KIRREL3: variants seen among roughly 807,000 people sequenced by gnomAD.
The protein encoded by KIRREL3 is kin of IRRE-like protein 3.
In KIRREL3, 36 loss-of-function variants were observed where a neutral mutation model predicts 89.7. The observed-to-expected ratio is 0.40, with a 90% CI of 0.31 to 0.53. The LOEUF (loss-of-function observed/expected upper bound fraction) is 0.53. Ranked by LOEUF, KIRREL3 falls within the 20% of genes least tolerant of loss-of-function variation. The pLI, the probability that KIRREL3 is intolerant of heterozygous loss-of-function variation, is 0.49. For missense variants in KIRREL3, 864 were observed against 1,056.6 expected (o/e 0.82, Z 2.53); for synonymous variants, 445 against 441.4 (o/e 1.01, Z -0.10).
chr11:126,828,178 T>C (rs948293597), intron 1 of KIRREL3, among the ~76,000 whole-genome samples: 3 of 152,256 alleles, frequency 2.0e-5, no homozygotes, highest in East Asian at 3.8e-4. Flanking sequence ...TCATCACCCA[T>C]GCTGTTTATT....
intron 1 of KIRREL3, chr11:126,936,971 A>C (rs1948216062): frequency 6.6e-6 from 1 of 152,246 alleles, no homozygotes; most frequent in African/African-American, 2.4e-5. Flanking sequence ...AGGAGGGTAC[A>C]CGAATGCAGA....
chr11:126,823,345 G>A (rs1306531828), intron 1 of KIRREL3, among the ~76,000 whole-genome samples: 2 of 152,134 alleles, frequency 1.3e-5, no homozygotes, highest in East Asian at 1.9e-4. Context: ...AACCTCCAGG[G>A]CCTTTGCTTT....
In KIRREL3 at chr11:126,523,410, T is replaced by C. The variant is rs1958656054; in HGVS notation, c.284-1946A>G. Among the ~76,000 whole-genome samples the C allele has an allele frequency of 6.6e-6, 1 of 152,194 alleles. No individual in the cohort carries two copies. The highest frequency in any genetic ancestry group is 1.5e-5 in the Non-Finnish European group (1 of 68,032). Reference sequence around the variant, plus strand: ...TCCTGGTCAGGCGAGGTAGCTGTGATGATCCTCTGCCAGCCTTCCTGGCAT... The same window carrying C: ...TCCTGGTCAGGCGAGGTAGCTGTGACGATCCTCTGCCAGCCTTCCTGGCAT... On this transcript the variant is annotated intron_variant, in intron 3 of 16. Transcript: ENST00000525144. This position sits in a 1 kb window ranked among gnomAD's most constrained non-coding sequence, Gnocchi z 4.9.
chr11:126,792,358 G>A (rs891569922), intron 1 of KIRREL3, among the ~76,000 whole-genome samples: 5 of 152,148 alleles, frequency 3.3e-5, no homozygotes, highest in South Asian at 2.1e-4. Context: ...TATTATTACC[G>A]TTATTTTTCA....
chr11:126,911,169 T>C (rs747033686), intron 1 of KIRREL3, among the ~76,000 whole-genome samples: 2 of 152,106 alleles, frequency 1.3e-5, no homozygotes, highest in Non-Finnish European at 2.9e-5. Context: ...ATGACAATGA[T>C]GACTGCATAT....
chr11:126,967,441 C>A (rs1250451713), intron 1 of KIRREL3, among the ~76,000 whole-genome samples: 2 of 152,078 alleles, frequency 1.3e-5, no homozygotes, highest in East Asian at 3.9e-4. Context: ...CAAACTGCAG[C>A]CTTTCACTTC....
chr11:126,681,609 G>GACACACACACACACACACAC (rs56325662), intron 1 of KIRREL3, among the ~76,000 whole-genome samples: 7 of 150,388 alleles, frequency 4.7e-5, no homozygotes, highest in East Asian at 3.9e-4. Flanking sequence ...TGTATATACA[G>GACACACACACACACACACAC]ACACACACAC....
At chr11:126,438,917 C>G (rs1322853509) in intron 11 of KIRREL3, among the ~76,000 whole-genome samples, 1 of 152,156 alleles carries the variant, frequency 6.6e-6, no homozygotes, top group Admixed American at 6.5e-5. Context: ...TGGGCCAGCC[C>G]CACCCTCCCT....
At chr11:126,580,684 C>T (rs188286588) in intron 1 of KIRREL3, among the ~76,000 whole-genome samples, 1 of 152,204 alleles carries the variant, frequency 6.6e-6, no homozygotes, top group Non-Finnish European at 1.5e-5. Context: ...TTTCTGTGCA[C>T]CCTGGACAAG....
rs904177163 is a variant in KIRREL3, at chr11:126,521,730, G to A, written c.284-266C>T. On this transcript the variant is annotated intron_variant, in intron 3 of 16. Transcript: ENST00000525144. This position sits in a 1 kb window ranked among gnomAD's most constrained non-coding sequence, Gnocchi z 4.1. ...TGTGTGTGTGTGTGTGTGTGTGTGT[G>A]TATAAGGGCATTTGGTCTGTTTGTT... is the stretch of plus-strand genomic sequence containing the variant. Among the ~76,000 whole-genome samples the A allele has an allele frequency of 4.6e-5, 5 of 107,830 alleles. No individual in the cohort carries two copies. Among genetic ancestry groups the A allele is most frequent in the Admixed American group, 2.1e-4 (2 of 9,610 alleles). The allele number at this position is 107,830 out of a possible 152,430, so 70.7% of individuals were successfully genotyped here.
At chr11:126,832,799 C>G in intron 1 of KIRREL3, among the ~76,000 whole-genome samples, 1 of 152,234 alleles carries the variant, frequency 6.6e-6, no homozygotes, top group South Asian at 2.1e-4. Context: ...TTGGTCTGGA[C>G]GCCTTTCTTG....
intron 1 of KIRREL3, among the ~76,000 whole-genome samples, chr11:126,961,508 G>A (rs771727477): frequency 1.3e-5 from 2 of 152,188 alleles, no homozygotes; most frequent in Non-Finnish European, 2.9e-5. Context: ...TAAATTATAT[G>A]AAGGCTGACA....
At position 126,995,563 on chromosome 11, in the gene KIRREL3, C is replaced by T. The variant is rs1352517075; in HGVS notation, c.55+4892G>A. The stretch of plus-strand genomic sequence containing the variant: ...TTAGCATCCCCCATCTATATCAAGA[C>T]CATAAAACCAGTGCTTTTGGCCCTC... On this transcript the variant is annotated intron_variant, in intron 1 of 16. Transcript: ENST00000525144. This position sits in a 1 kb window ranked among gnomAD's most constrained non-coding sequence, Gnocchi z 6.5. The T allele has an allele frequency of 6.1e-6, 2 of 329,660 alleles. No individual in the cohort carries two copies. The highest frequency in any genetic ancestry group is 4.3e-5 in the African/African-American group (2 of 46,332). 20.4% of individuals were successfully genotyped at this position (329,660 alleles called of 1,614,324 possible).
intron 4 of KIRREL3, among the ~76,000 whole-genome samples, chr11:126,483,006 CA>C (rs1957262755): frequency 6.6e-6 from 1 of 152,236 alleles, no homozygotes; most frequent in Admixed American, 6.5e-5. Flanking sequence ...ACAGCAGAAG[CA>C]AAAAGTTTAC....
At chr11:126,774,267 G>A (rs1950106256) in intron 1 of KIRREL3, among the ~76,000 whole-genome samples, 1 of 151,202 alleles carries the variant, frequency 6.6e-6, no homozygotes, top group Non-Finnish European at 1.5e-5. Flanking sequence ...CAGGAAAATA[G>A]GCCCTAGGAA....
intron 1 of KIRREL3, among the ~76,000 whole-genome samples, chr11:126,833,323 G>T: frequency 6.6e-6 from 1 of 152,222 alleles, no homozygotes; most frequent in Non-Finnish European, 1.5e-5. Flanking sequence ...ACAAGTGCAA[G>T]TTAAAATAAT....
In KIRREL3 at chr11:126,812,051, G is replaced by A. The variant is rs1951407911; in HGVS notation, c.55+188404C>T. Among the ~76,000 whole-genome samples, 1 of 152,138 alleles carries A rather than the reference G, an allele frequency of 6.6e-6. No individual in the cohort carries two copies. Among genetic ancestry groups the A allele is most frequent in the African/African-American group, 2.4e-5 (1 of 41,406 alleles). On this transcript the variant is annotated intron_variant, in intron 1 of 16. Coordinates refer to ENST00000525144, the MANE Select transcript of KIRREL3 (RefSeq NM_032531.4). The surrounding 1 kb of genome is among the most constrained non-coding windows in gnomAD (Gnocchi z 5.2). ...ATGAGCAGGTTAAGGCACTTTTCGG[G>A]ATTAGAGAATCTTCAAACTCAATAT...
chr11:126,714,862 G>A (rs372665720), intron 1 of KIRREL3, among the ~76,000 whole-genome samples: 1 of 152,190 alleles, frequency 6.6e-6, no homozygotes, highest in African/African-American at 2.4e-5. Context: ...TGCCTGAGGT[G>A]GGGGCTTATG....
intron 1 of KIRREL3, among the ~76,000 whole-genome samples, chr11:126,910,887 G>A (rs1029625402): frequency 6.6e-6 from 1 of 152,226 alleles, no homozygotes; most frequent in Non-Finnish European, 1.5e-5. Flanking sequence ...CAGCAGGAAG[G>A]CCCAGCAGTG....
Sources: gnomAD v4.1 joint callset for allele counts (sites outside exome capture counted in the v4.1 genomes callset) on GRCh38, gnomAD v4.1.1 for gene constraint, Gnocchi (gnomAD v3.1) non-coding constraint, MANE v1.5 for transcripts, NCBI Gene and HGNC (gene_info 2026-07-23, HGNC 2026-07-21) for gene names.